Variants in PDE4D observed in about 807,000 individuals in gnomAD.
The protein encoded by PDE4D is 3',5'-cyclic-AMP phosphodiesterase 4D.
PDE4D carries 24 observed loss-of-function variants against 87.4 expected under a neutral mutation model. The ratio of observed to expected loss-of-function variants is 0.27; its 90% confidence interval spans 0.20 to 0.39. The LOEUF (loss-of-function observed/expected upper bound fraction) is 0.39, where lower values mean the gene tolerates loss of function less well. Among genes scored for constraint, PDE4D ranks in the 10% least tolerant of loss-of-function variants. The probability of loss-of-function intolerance (pLI) is 1.00; values close to 1 mark genes in which losing one functional copy is unlikely to be tolerated. For synonymous variants in PDE4D, 384 were observed against 383.2 expected (o/e 1.00, Z -0.02); for missense variants, 714 against 1,041.0 (o/e 0.69, Z 4.32).
intron 3 of PDE4D, among the ~76,000 whole-genome samples, chr5:59,927,408 G>A (rs780454812): frequency 6.6e-6 from 1 of 152,104 alleles, no homozygotes; most frequent in Admixed American, 6.5e-5. Flanking sequence ...AATAAAAACT[G>A]GTAACCAGAC....
At position 60,050,717 on chromosome 5, in the gene PDE4D, C is replaced by T. The variant is rs183520256; in HGVS notation, c.43-62000G>A. Among the ~76,000 whole-genome samples, 556 of 151,972 alleles carry T rather than the reference C, an allele frequency of 3.7e-3. 6 individuals are homozygous for T. Among genetic ancestry groups the T allele is most frequent in the African/African-American group, 0.013 (535 of 41,468 alleles). On this transcript the variant is annotated intron_variant, in intron 2 of 16. Coordinates refer to the PDE4D transcript ENST00000502484. ...CTTTAAATGTAAATGGGATAAATGC[C>T]CCAATTAAAAGACACAGACTGGCAA... is the stretch of plus-strand genomic sequence containing the variant.
chr5:60,327,337 G>A (rs1385712842), intron 1 of PDE4D, among the ~76,000 whole-genome samples: 1 of 152,102 alleles, frequency 6.6e-6, no homozygotes, highest in Non-Finnish European at 1.5e-5. Context: ...GTGTGTACAG[G>A]ATTCTTCTGG....
chr5:59,296,408 C>T (rs1213075328), intron 1 of PDE4D, among the ~76,000 whole-genome samples: 3 of 147,324 alleles, frequency 2.0e-5, no homozygotes, highest in Non-Finnish European at 4.5e-5. Flanking sequence ...CAATCCTAGC[C>T]AATTTATTAA....
chr5:60,047,850 G>C (rs1442214738), intron 2 of PDE4D, among the ~76,000 whole-genome samples: 1 of 152,022 alleles, frequency 6.6e-6, no homozygotes, highest in Non-Finnish European at 1.5e-5. Flanking sequence ...TGTTGATTTG[G>C]GGTGGAGAGT....
chr5:60,223,172 T>C (rs558086449), intron 1 of PDE4D, among the ~76,000 whole-genome samples: 28 of 152,116 alleles, frequency 1.8e-4, no homozygotes, highest in Admixed American at 1.3e-4. Flanking sequence ...TACTCAGGAC[T>C]CTGAGTTAAA....
intron 6 of PDE4D, among the ~76,000 whole-genome samples, chr5:59,031,976 T>C (rs182978772): frequency 2.6e-4 from 39 of 151,510 alleles, no homozygotes; most frequent in African/African-American, 9.4e-4. Flanking sequence ...GATCAAACAG[T>C]ACAAAATTTC....
At chr5:59,137,566 G>A (rs1418260911) in intron 5 of PDE4D, among the ~76,000 whole-genome samples, 7 of 145,900 alleles carry the variant, frequency 4.8e-5, no homozygotes, top group Non-Finnish European at 1.0e-4. Flanking sequence ...TCGCTCTGTC[G>A]CCCAGGCTGG....
At chr5:59,100,758 G>A in intron 5 of PDE4D, among the ~76,000 whole-genome samples, 1 of 152,188 alleles carries the variant, frequency 6.6e-6, no homozygotes, top group East Asian at 1.9e-4. Context: ...ACAGAAGCTA[G>A]CACAGTACTT....
intron 2 of PDE4D, among the ~76,000 whole-genome samples, chr5:60,111,011 G>T (rs1363197223): frequency 6.6e-6 from 1 of 151,970 alleles, no homozygotes; most frequent in East Asian, 1.9e-4. Flanking sequence ...GGAAGGATGG[G>T]GGAAGAGGAG....
chr5:59,868,789 A>G (rs1747409758), intron 1 of PDE4D, among the ~76,000 whole-genome samples: 1 of 152,226 alleles, frequency 6.6e-6, no homozygotes. Flanking sequence ...TGTGTAATGT[A>G]GTTTCTCACA....
intron 1 of PDE4D, among the ~76,000 whole-genome samples, chr5:59,770,304 G>T (rs1763309885): frequency 6.6e-6 from 1 of 152,122 alleles, no homozygotes; most frequent in African/African-American, 2.4e-5. Flanking sequence ...GTGCAAAACA[G>T]GTGTGCAATG....
intron 1 of PDE4D, among the ~76,000 whole-genome samples, chr5:60,398,542 A>G (rs1487266664): frequency 3.3e-5 from 5 of 152,086 alleles, no homozygotes; most frequent in African/African-American, 1.2e-4. Context: ...TTAGCTATCG[A>G]AGGGAACCTG....
At chr5:59,170,227 A>G (rs1782549205) in intron 5 of PDE4D, among the ~76,000 whole-genome samples, 1 of 152,232 alleles carries the variant, frequency 6.6e-6, no homozygotes, top group East Asian at 1.9e-4. Flanking sequence ...ACTGTGTTTC[A>G]GGCTTGCCTC....
Position 60,431,722 on chromosome 5 carries a change from G to A in PDE4D, c.-90+56220C>T, listed in dbSNP as rs994389678. 5.3e-5 allele frequency among the ~76,000 whole-genome samples: 8 copies of A among 152,202 alleles called. No individual in the cohort carries two copies. In the South Asian group the frequency reaches 6.2e-4, roughly 12 times the overall value. The stretch of plus-strand genomic sequence containing the variant: ...GACACTTTGGGAGGCCAAGGCAGGC[G>A]GCTGGGAGGTGGAGGTTGTAGCGAG... On this transcript the variant is annotated intron_variant, in intron 1 of 16. Coordinates refer to the PDE4D transcript ENST00000502484.
intron 1 of PDE4D, among the ~76,000 whole-genome samples, chr5:59,610,577 C>A (rs934815223): frequency 3.3e-5 from 5 of 152,106 alleles, no homozygotes; most frequent in African/African-American, 1.2e-4. Context: ...TTAAAATGTT[C>A]ATTGATTCAA....
At chr5:60,229,221 T>C (rs547994691) in intron 1 of PDE4D, among the ~76,000 whole-genome samples, 2 of 152,234 alleles carry the variant, frequency 1.3e-5, no homozygotes, top group South Asian at 4.1e-4. Context: ...ATAAACATCC[T>C]GGCACTTCAA....
chr5:58,993,305 T>A, intron 7 of PDE4D, 67 bp downstream of exon 7: 1 of 876,498 alleles, frequency 1.1e-6, no homozygotes, highest in South Asian at 1.8e-5. Context: ...GGCACCCCAA[T>A]CCTCCTACAA....
At chr5:59,757,088 G>A (rs1224176002) in intron 1 of PDE4D, among the ~76,000 whole-genome samples, 4 of 151,978 alleles carry the variant, frequency 2.6e-5, no homozygotes, top group Non-Finnish European at 5.9e-5. Flanking sequence ...ATGAACTACC[G>A]CACCCGGCCG....
In PDE4D at chr5:59,180,644, T is replaced by C. The variant is rs767651380; in HGVS notation, c.759A>G (p.Lys253=). 8 of 1,613,040 alleles carry C rather than the reference T, an allele frequency of 5.0e-6. No individual in the cohort carries two copies. The East Asian group carries it at 1.6e-4, about 31-fold the overall frequency. Residue 253 remains lysine (K), a splice_region_variant and synonymous_variant, in exon 5 of 15, where the codon AAA becomes AAG. Transcript: ENST00000340635. The stretch of plus-strand genomic sequence containing the variant: ...ATGGTTGGTTGCACATGGGTGATCT[T>C]CTGACAAAGACAGAAAAACACAAAG... The part of the protein sequence containing the change: ...LTNLQDRAPS[K]RSPMCNQPSI...
Sources: allele counts gnomAD v4.1 joint callset (sites outside exome capture counted in the v4.1 genomes callset), GRCh38; gene constraint gnomAD v4.1.1; transcripts MANE v1.5; gene names NCBI Gene and HGNC (gene_info 2026-07-23, HGNC 2026-07-21).